Variants in TEAD4 observed in about 807,000 individuals in gnomAD.
The protein encoded by TEAD4 is TEA domain transcription factor 4, also known as transcriptional enhancer factor TEF-3.
TEAD4 carries 36 observed loss-of-function variants against 52.4 expected under a neutral mutation model. The observed-to-expected ratio is 0.69, with a 90% CI of 0.53 to 0.91. The LOEUF (loss-of-function observed/expected upper bound fraction) is 0.91, where lower values mean the gene tolerates loss of function less well. TEAD4 is among the 40% of genes least tolerant of loss of function. The pLI is 0.00. For missense variants in TEAD4, 508 were observed against 583.9 expected, an observed-to-expected ratio of 0.87 and a Z score of 1.34; for synonymous variants, 220 against 231.0, an observed-to-expected ratio of 0.95 and a Z score of 0.43.
intron 2 of TEAD4, among the ~76,000 whole-genome samples, chr12:2,980,787 G>A (rs919232302): frequency 9.2e-5 from 14 of 151,982 alleles, no homozygotes; most frequent in African/African-American, 2.7e-4. Flanking sequence ...ATGGCCAGGC[G>A]CAGTGACTCA....
intron 4 of TEAD4, 29 bp downstream of exon 4, chr12:3,011,097 C>T (rs376197449): frequency 2.0e-4 from 330 of 1,613,340 alleles, no homozygotes; most frequent in Middle Eastern, 5.0e-4. Flanking sequence ...GTAGGGGTCC[C>T]GGGGGTGGTA....
At chr12:2,974,451 C>G (rs1290714275) in intron 2 of TEAD4, among the ~76,000 whole-genome samples, 1 of 152,242 alleles carries the variant, frequency 6.6e-6, no homozygotes, top group Non-Finnish European at 1.5e-5. Flanking sequence ...CAAGCTCATT[C>G]TAACCCCGCC....
At chr12:3,011,188 T>C (rs1421316892) in intron 4 of TEAD4, 120 bp downstream of exon 4, 1 of 948,454 alleles carries the variant, frequency 1.1e-6, no homozygotes, top group African/African-American at 1.7e-5. Flanking sequence ...CAGCTCTGGA[T>C]GAGTTATCCC....
intron 3 of TEAD4, among the ~76,000 whole-genome samples, chr12:3,001,244 A>T (rs930098332): frequency 1.3e-5 from 2 of 152,244 alleles, no homozygotes; most frequent in Non-Finnish European, 2.9e-5. Context: ...AAAAATATAC[A>T]TTACGTAAAA....
chr12:3,014,878 C>T (rs1465603782), intron 5 of TEAD4, among the ~76,000 whole-genome samples: 1 of 152,224 alleles, frequency 6.6e-6, no homozygotes, highest in Admixed American at 6.5e-5. Context: ...CAGCCCCGGC[C>T]TCGTGATGGA....
chr12:3,010,835 A>C (rs937384893), intron 3 of TEAD4, among the ~76,000 whole-genome samples, 169 bp from the exon 4 acceptor site: 1 of 152,128 alleles, frequency 6.6e-6, no homozygotes, highest in African/African-American at 2.4e-5. Context: ...CGCTGCTGGG[A>C]GATCCCTGTG....
chr12:3,018,176 A>G (rs2098265965), intron 6 of TEAD4, among the ~76,000 whole-genome samples: 1 of 152,214 alleles, frequency 6.6e-6, no homozygotes, highest in Admixed American at 6.5e-5. Flanking sequence ...GTCCATCTGC[A>G]TGTTAAACAG....
At position 3,019,185 on chromosome 12, in the gene TEAD4, C is replaced by T. The variant is rs569481087; in HGVS notation, c.583+15C>T. 2.8e-5 allele frequency: 45 copies of T among 1,613,414 alleles called. 2 individuals carry two copies. The highest frequency in any genetic ancestry group is 2.6e-4 in the South Asian group (24 of 91,088). Reference sequence around the variant, plus strand: ...GCCTCTGCCAGGTGGGTGGGCGCTGCGTGGCCCCCTTTCTATCGCAGCCAT... The same window carrying T: ...GCCTCTGCCAGGTGGGTGGGCGCTGTGTGGCCCCCTTTCTATCGCAGCCAT... On this transcript the variant is annotated intron_variant, in intron 8 of 12. Transcript: ENST00000359864.
At chr12:3,010,091 C>T (rs574574309) in intron 3 of TEAD4, among the ~76,000 whole-genome samples, 47 of 152,322 alleles carry the variant, frequency 3.1e-4, no homozygotes, top group South Asian at 2.5e-3. Flanking sequence ...TCTCCTCATC[C>T]GATGCTTCTC....
chr12:2,991,948 G>A (rs1233119320), intron 2 of TEAD4, among the ~76,000 whole-genome samples: 2 of 151,218 alleles, frequency 1.3e-5, no homozygotes, highest in East Asian at 3.9e-4. Context: ...GGGCCTCAGT[G>A]CCCTTTTCAG....
intron 2 of TEAD4, among the ~76,000 whole-genome samples, chr12:2,966,967 A>G (rs1364519390): frequency 6.6e-6 from 1 of 152,140 alleles, no homozygotes; most frequent in Non-Finnish European, 1.5e-5. Flanking sequence ...TTGGCCTCCC[A>G]AAGTGCTGGG....
In TEAD4 at chr12:3,019,095, C is replaced by G; in HGVS notation, c.528-20C>G. 1 of 1,613,938 alleles carries G rather than the reference C, an allele frequency of 6.2e-7. No individual in the cohort carries two copies. Among genetic ancestry groups the G allele is most frequent in the East Asian group, 2.2e-5 (1 of 44,872 alleles). ...GTGGCCTGCCCGAGGCTGACACCTC[C>G]CCTCCTCTCTCTCCCGCAGTGTGAA... is the stretch of plus-strand genomic sequence containing the variant. On this transcript the variant is annotated intron_variant, in intron 7 of 12. Coordinates refer to ENST00000359864, the MANE Select transcript of TEAD4 (RefSeq NM_003213.4).
chr12:2,975,405 A>G (rs2098228823), intron 2 of TEAD4, among the ~76,000 whole-genome samples: 3 of 132,926 alleles, frequency 2.3e-5, no homozygotes, highest in Admixed American at 1.5e-4. Flanking sequence ...TATTATTACT[A>G]GAGATGGAGT....
intron 3 of TEAD4, among the ~76,000 whole-genome samples, chr12:2,995,551 C>T (rs1050108594): frequency 2.6e-5 from 4 of 152,050 alleles, no homozygotes; most frequent in African/African-American, 2.4e-5. Context: ...TAGGAAAGGC[C>T]CCCCCCAACC....
At position 2,985,258 on chromosome 12, in the gene TEAD4, A is replaced by G. The variant is rs553103083; in HGVS notation, c.-29-9480A>G. ...AAACTAGCCAGTCGTGGTGGCAGGC[A>G]CCTGTAGTCCCAGCTGCTCAGGAGG... On this transcript the variant is annotated intron_variant, in intron 2 of 12. Coordinates refer to ENST00000359864, the MANE Select transcript of TEAD4 (RefSeq NM_003213.4). Among the ~76,000 whole-genome samples, 864 of 151,744 alleles carry G rather than the reference A, an allele frequency of 5.7e-3. 9 individuals are homozygous for G. The highest frequency in any genetic ancestry group is 0.019 in the African/African-American group (777 of 41,424).
chr12:3,017,420 C>A lies in TEAD4; in HGVS notation c.377C>A (p.Ala126Asp). Reference sequence around the variant, plus strand: ...CAGGACCAGGCAGCTAAGGACAAGGCCCTGCAGAGCATGGCTGCCATGTCG... The same window carrying A: ...CAGGACCAGGCAGCTAAGGACAAGGACCTGCAGAGCATGGCTGCCATGTCG... Residue 126 changes from alanine to aspartate, a missense_variant, in exon 6 of 13, where the codon GCC becomes GAC. Physicochemically the swap from Ala to Asp is moderately radical, Grantham distance 126. Coordinates refer to ENST00000359864, the MANE Select transcript of TEAD4 (RefSeq NM_003213.4). 1.2e-6 allele frequency: 2 copies of A among 1,614,152 alleles called. No individual in the cohort carries two copies. Among genetic ancestry groups the A allele is most frequent in the Non-Finnish European group, 1.7e-6 (2 of 1,180,042 alleles).
chr12:3,001,999 C>A (rs199834814), intron 3 of TEAD4, among the ~76,000 whole-genome samples: 1 of 149,394 alleles, frequency 6.7e-6, no homozygotes, highest in Non-Finnish European at 1.5e-5. Flanking sequence ...GGCTGAGCCA[C>A]GAGAATTGCT....
At chr12:2,981,350 T>C (rs2098233967) in intron 2 of TEAD4, among the ~76,000 whole-genome samples, 1 of 152,210 alleles carries the variant, frequency 6.6e-6, no homozygotes, top group African/African-American at 2.4e-5. Context: ...GTCTTCCAGC[T>C]CCTGAGTTTC....
intron 2 of TEAD4, among the ~76,000 whole-genome samples, chr12:2,976,181 T>C (rs2098229506): frequency 6.6e-6 from 1 of 152,052 alleles, no homozygotes; most frequent in African/African-American, 2.4e-5. Flanking sequence ...AATTTTTATA[T>C]TTTTAGTAGA....
Sources: allele counts gnomAD v4.1 joint callset (sites outside exome capture counted in the v4.1 genomes callset), GRCh38; gene constraint gnomAD v4.1.1; transcripts MANE v1.5; gene names NCBI Gene and HGNC (gene_info 2026-07-23, HGNC 2026-07-21).